The following PLCB1 variants were observed in gnomAD, a reference collection of about 807,000 sequenced individuals.
The protein encoded by PLCB1 is 1-phosphatidylinositol 4,5-bisphosphate phosphodiesterase beta-1.
A neutral mutation model predicts 161.8 loss-of-function variants in PLCB1; 46 were observed. That is an observed-to-expected ratio of 0.28 (90% CI 0.22 to 0.36). The LOEUF (loss-of-function observed/expected upper bound fraction) is 0.36. PLCB1 is among the 10% of genes least tolerant of loss of function. PLCB1 has a pLI of 1.00. For synonymous variants in PLCB1, 517 were observed against 503.7 expected (o/e 1.03, Z -0.35); for missense variants, 1,016 against 1,472.5 (o/e 0.69, Z 5.07).
intron 11 of PLCB1, among the ~76,000 whole-genome samples, chr20:8,704,977 C>G (rs1054263472): frequency 3.0e-5 from 1 of 33,392 alleles, no homozygotes; most frequent in Non-Finnish European, 5.7e-5. Flanking sequence ...GCAAATTCTC[C>G]TTTACTCTTT....
At chr20:8,278,495 A>G (rs970722510) in intron 2 of PLCB1, among the ~76,000 whole-genome samples, 3 of 151,716 alleles carry the variant, frequency 2.0e-5, no homozygotes, top group Non-Finnish European at 2.9e-5. Flanking sequence ...CTAAAACTAT[A>G]TAGGAAAATG....
In PLCB1 at chr20:8,200,925, G is replaced by A. The variant is rs76362897; in HGVS notation, c.177+50554G>A. ...ATCTGTTCCCTTTTATGTCTGATTC[G>A]CTGAAGGATTTAGAAAAATTATACA... On this transcript the variant is annotated intron_variant, in intron 2 of 31. Transcript: ENST00000338037. Among the ~76,000 whole-genome samples, 436 of 152,052 alleles carry A rather than the reference G, an allele frequency of 2.9e-3. 1 individual carries two copies. The highest frequency in any genetic ancestry group is 0.01 in the African/African-American group (417 of 41,490).
At chr20:8,514,914 T>C (rs948462827) in intron 3 of PLCB1, among the ~76,000 whole-genome samples, 10 of 152,156 alleles carry the variant, frequency 6.6e-5, no homozygotes, top group African/African-American at 2.4e-4. Context: ...CTCCAGGAGT[T>C]CAGGGGTTAG....
chr20:8,632,024 G>GTTTTTTTTT (rs1568537320), intron 4 of PLCB1, among the ~76,000 whole-genome samples: 3 of 91,776 alleles, frequency 3.3e-5, no homozygotes, highest in Non-Finnish European at 2.2e-5. Flanking sequence ...GACAAATATG[G>GTTTTTTTTT]GTTTTTTTTG....
chr20:8,164,197 G>A (rs373843239), intron 2 of PLCB1, among the ~76,000 whole-genome samples: 44 of 152,116 alleles, frequency 2.9e-4, no homozygotes, highest in Non-Finnish European at 2.2e-4. Flanking sequence ...AAGGATTTTC[G>A]TGTCGAATTG....
At chr20:8,379,147 T>C (rs1419151177) in intron 3 of PLCB1, among the ~76,000 whole-genome samples, 6 of 149,924 alleles carry the variant, frequency 4.0e-5, no homozygotes, top group Non-Finnish European at 1.5e-5. Context: ...TTCCCCTCCC[T>C]GTGTCCACAT....
intron 2 of PLCB1, among the ~76,000 whole-genome samples, chr20:8,157,088 A>G (rs1234316995): frequency 1.3e-5 from 2 of 152,116 alleles, no homozygotes; most frequent in African/African-American, 4.8e-5. Flanking sequence ...GGCAAATAAG[A>G]TGTTTATTTA....
intron 31 of PLCB1, among the ~76,000 whole-genome samples, chr20:8,872,060 G>T: frequency 6.6e-6 from 1 of 152,238 alleles, no homozygotes; most frequent in South Asian, 2.1e-4. Context: ...CTATCCCAAA[G>T]TGAATTGTCT....
intron 2 of PLCB1, among the ~76,000 whole-genome samples, chr20:8,344,726 GC>G (rs1985935493): frequency 6.6e-6 from 1 of 152,196 alleles, no homozygotes; most frequent in Admixed American, 6.5e-5. Flanking sequence ...ATCTTGTTGA[GC>G]CCAATGAAAA....
chr20:8,172,778 A>C (rs2051745728), intron 2 of PLCB1, among the ~76,000 whole-genome samples: 1 of 152,218 alleles, frequency 6.6e-6, no homozygotes. Context: ...GGCAACCAGC[A>C]GAGGACTCTG....
chr20:8,678,872 A>G (rs1990150833), intron 9 of PLCB1, among the ~76,000 whole-genome samples: 1 of 152,216 alleles, frequency 6.6e-6, no homozygotes, highest in Non-Finnish European at 1.5e-5. Flanking sequence ...GAAGGTTCCT[A>G]TCTGGCCAAC....
intron 3 of PLCB1, among the ~76,000 whole-genome samples, chr20:8,553,234 G>A (rs1392971232): frequency 6.6e-6 from 1 of 152,156 alleles, no homozygotes; most frequent in African/African-American, 2.4e-5. Flanking sequence ...AGTGTGAAAA[G>A]GCAATTTCAG....
rs1346278267 is a variant in PLCB1 at position 8,654,564 on chromosome 20, TA to T, written c.595-2617del. On this transcript the variant is annotated intron_variant, in intron 7 of 31. Coordinates refer to ENST00000338037, the MANE Select transcript of PLCB1 (RefSeq NM_015192.4). ...AGTAGAAAATAAGAAATATAAAAAA[TA>T]AAGGAAAAGCTGTGAAATGGATGCA... Among the ~76,000 whole-genome samples, 6 of 151,820 alleles carry T rather than the reference TA, an allele frequency of 4.0e-5. No individual in the cohort carries two copies. The East Asian group carries it at 1.2e-3, about 29-fold the overall frequency.
intron 27 of PLCB1, among the ~76,000 whole-genome samples, chr20:8,783,932 G>A (rs1025686123): frequency 6.6e-6 from 1 of 152,162 alleles, no homozygotes; most frequent in Non-Finnish European, 1.5e-5. Context: ...GAGATGGGGG[G>A]TAAAATATAC....
intron 3 of PLCB1, among the ~76,000 whole-genome samples, chr20:8,618,011 A>G (rs1568531151): frequency 1.3e-5 from 2 of 152,210 alleles, no homozygotes; most frequent in African/African-American, 4.8e-5. Flanking sequence ...AATTCTCTTC[A>G]TATAAAATGG....
intron 2 of PLCB1, among the ~76,000 whole-genome samples, chr20:8,233,236 A>T (rs1980156212): frequency 1.6e-5 from 1 of 62,674 alleles, no homozygotes; most frequent in African/African-American, 1.5e-4. Flanking sequence ...TGTCATATTC[A>T]TCAATTGCTG....
chr20:8,726,813 A>G (rs1979963295), intron 16 of PLCB1, among the ~76,000 whole-genome samples: 2 of 152,298 alleles, frequency 1.3e-5, no homozygotes, highest in Middle Eastern at 3.4e-3. Flanking sequence ...TTGAAAGACC[A>G]TAATTCTGTC....
chr20:8,618,891 T>C (rs1988102388), intron 3 of PLCB1, among the ~76,000 whole-genome samples: 2 of 152,268 alleles, frequency 1.3e-5, no homozygotes, highest in South Asian at 2.1e-4. Flanking sequence ...TTATGTATTA[T>C]AGAATATAGT....
At chr20:8,182,929 A>G (rs1203870850) in intron 2 of PLCB1, among the ~76,000 whole-genome samples, 2 of 152,092 alleles carry the variant, frequency 1.3e-5, no homozygotes, top group African/African-American at 4.8e-5. Flanking sequence ...ATTTGACTCT[A>G]TATCCTTAAC....
Sources: gnomAD v4.1 joint callset for allele counts (sites outside exome capture counted in the v4.1 genomes callset) on GRCh38, gnomAD v4.1.1 for gene constraint, MANE v1.5 for transcripts, NCBI Gene and HGNC (gene_info 2026-07-23, HGNC 2026-07-21) for gene names.